The following CHRM2 variants were observed in gnomAD, a reference collection of about 807,000 sequenced individuals.
CHRM2 encodes cholinergic receptor muscarinic 2.
In CHRM2, 8 loss-of-function variants were observed where a neutral mutation model predicts 25.0. The ratio of observed to expected loss-of-function variants is 0.32; its 90% CI spans 0.19 to 0.58. CHRM2 has a LOEUF of 0.58. Ranked by LOEUF, CHRM2 falls within the 20% of genes least tolerant of loss-of-function variation. The pLI, the probability that CHRM2 is intolerant of heterozygous loss-of-function variation, is 0.88. For missense variants in CHRM2, 440 were observed against 567.1 expected (o/e 0.78, Z 2.28); for synonymous variants, 202 against 205.7 (o/e 0.98, Z 0.15).
chr7:136,906,453 TCCACACATTTGGTTTTTTTAAA>T (rs1229568967), intron 2 of CHRM2, among the ~76,000 whole-genome samples: 3 of 151,648 alleles, frequency 2.0e-5, no homozygotes, highest in Non-Finnish European at 4.4e-5. Context: ...TGGTTTTTAT[TCCACACATTTGGTTTTTTTAAA>T]CCACACATTT....
chr7:136,894,004 A>G (rs1796793306), intron 2 of CHRM2, among the ~76,000 whole-genome samples: 1 of 152,192 alleles, frequency 6.6e-6, no homozygotes, highest in South Asian at 2.1e-4. Flanking sequence ...TGGTCAAAAC[A>G]TTATGCATGT....
At chr7:136,922,360 C>A (rs1798496530) in intron 2 of CHRM2, among the ~76,000 whole-genome samples, 1 of 152,112 alleles carries the variant, frequency 6.6e-6, no homozygotes, top group Admixed American at 6.6e-5. Flanking sequence ...AGTAGGCTAC[C>A]TCTCTGGCCC....
intron 2 of CHRM2, among the ~76,000 whole-genome samples, chr7:136,954,853 A>C (rs773526183): frequency 3.3e-5 from 5 of 152,162 alleles, no homozygotes; most frequent in Non-Finnish European, 7.3e-5. Flanking sequence ...AGATATTCAT[A>C]ACCTCACTAC....
At chr7:136,915,344 T>C (rs1226887101) in intron 2 of CHRM2, among the ~76,000 whole-genome samples, 3 of 151,930 alleles carry the variant, frequency 2.0e-5, no homozygotes, top group African/African-American at 7.2e-5. Flanking sequence ...ATCAGATTGT[T>C]ACTGCATAAT....
At chr7:136,889,191 T>G (rs977989751) in intron 2 of CHRM2, among the ~76,000 whole-genome samples, 15 of 152,046 alleles carry the variant, frequency 9.9e-5, no homozygotes, top group African/African-American at 3.6e-4. Context: ...TATTGGTGGA[T>G]AGGTGATTTC....
At chr7:136,975,108 T>G (rs1802026868) in intron 2 of CHRM2, among the ~76,000 whole-genome samples, 1 of 152,194 alleles carries the variant, frequency 6.6e-6, no homozygotes, top group Non-Finnish European at 1.5e-5. Flanking sequence ...TAATAAGCAA[T>G]TTAAAGCTCA....
chr7:137,007,938 T>A (rs1804555469), intron 3 of CHRM2, among the ~76,000 whole-genome samples: 1 of 152,088 alleles, frequency 6.6e-6, no homozygotes, highest in Non-Finnish European at 1.5e-5. Context: ...GAAGGAGTGA[T>A]TATTGATAAC....
chr7:136,996,054 A>G (rs6948054), intron 3 of CHRM2, among the ~76,000 whole-genome samples: 93,717 of 151,650 alleles, frequency 0.62, 29,767 homozygotes, highest in Non-Finnish European at 0.68. Flanking sequence ...GTAGAACCAC[A>G]TTTCAAATTT....
chr7:136,951,978 C>T (rs1416840020), intron 2 of CHRM2, among the ~76,000 whole-genome samples: 2 of 152,074 alleles, frequency 1.3e-5, no homozygotes, highest in Non-Finnish European at 2.9e-5. Context: ...ATCTCTTATC[C>T]ACAAGCAGGT....
chr7:136,982,994 C>T (rs1802587422), intron 2 of CHRM2, among the ~76,000 whole-genome samples: 1 of 152,136 alleles, frequency 6.6e-6, no homozygotes, highest in Non-Finnish European at 1.5e-5. Flanking sequence ...GCCTGTCTTA[C>T]CAGTTTGGGG....
At chr7:137,008,046 T>C (rs567344248) in intron 3 of CHRM2, among the ~76,000 whole-genome samples, 2 of 152,244 alleles carry the variant, frequency 1.3e-5, no homozygotes, top group South Asian at 2.1e-4. Flanking sequence ...ATGGATTATA[T>C]ACCTGAATGG....
At chr7:136,916,071 A>G (rs761040663) in intron 2 of CHRM2, among the ~76,000 whole-genome samples, 137 of 151,972 alleles carry the variant, frequency 9.0e-4, no homozygotes, top group Non-Finnish European at 1.3e-3. Flanking sequence ...ATTCACAGGA[A>G]CCATTACTAT....
At chr7:136,920,860 C>G (rs1431055210) in intron 2 of CHRM2, among the ~76,000 whole-genome samples, 1 of 152,074 alleles carries the variant, frequency 6.6e-6, no homozygotes, top group East Asian at 1.9e-4. Context: ...CTTCACATTT[C>G]TTGTTACTAT....
At chr7:136,974,398 C>A (rs1288275814) in intron 2 of CHRM2, among the ~76,000 whole-genome samples, 2 of 152,034 alleles carry the variant, frequency 1.3e-5, no homozygotes, top group Non-Finnish European at 2.9e-5. Flanking sequence ...AAATCTGTTA[C>A]AATGGAAATA....
At chr7:136,887,737 G>C (rs1349195797) in intron 2 of CHRM2, among the ~76,000 whole-genome samples, 1 of 152,158 alleles carries the variant, frequency 6.6e-6, no homozygotes, top group Non-Finnish European at 1.5e-5. Context: ...CAGAAAAGGA[G>C]ATAAAGAAAT....
intron 2 of CHRM2, among the ~76,000 whole-genome samples, chr7:136,979,402 T>C (rs1225452567): frequency 6.6e-6 from 1 of 152,232 alleles, no homozygotes; most frequent in African/African-American, 2.4e-5. Context: ...GGTTGCCTGT[T>C]CACTCTGATG....
In CHRM2 at chr7:137,015,527, A is replaced by G. The variant is rs1162009568; in HGVS notation, c.662A>G (p.Lys221Arg). Reference protein sequence around the residue: ...RASKSRIKKDKKEPVANQDPV... With the variant: ...RASKSRIKKDRKEPVANQDPV... ...AGCAAGAGCAGGATAAAGAAGGACA[A>G]GAAGGAGCCTGTTGCCAACCAAGAC... Residue 221 changes from lysine (K) to arginine (R), a missense_variant, in exon 4 of 4, where the codon AAG becomes AGG. By Grantham distance (26) the Lys-to-Arg change is conservative. Coordinates refer to ENST00000680005, the MANE Select transcript of CHRM2 (RefSeq NM_001006630.2). The surrounding 1 kb of genome is among the most constrained non-coding windows in gnomAD (Gnocchi z 5.1). The G allele has an allele frequency of 6.2e-7, 1 of 1,613,096 alleles. No individual in the cohort carries two copies. Among genetic ancestry groups the G allele is most frequent in the South Asian group, 1.1e-5 (1 of 91,078 alleles).
chr7:136,887,233 T>TATG (rs1796503361), intron 2 of CHRM2, among the ~76,000 whole-genome samples: 1 of 152,210 alleles, frequency 6.6e-6, no homozygotes. Context: ...TCATGTTGTA[T>TATG]ATCTTAAATA....
chr7:136,971,619 A>AC (rs1491383931), intron 2 of CHRM2, among the ~76,000 whole-genome samples: 2 of 49,578 alleles, frequency 4.0e-5, no homozygotes, highest in African/African-American at 9.6e-5. Context: ...TCTGTTTCAC[A>AC]AAAAAAAAAA....
Sources: allele counts gnomAD v4.1 joint callset (sites outside exome capture counted in the v4.1 genomes callset), GRCh38; gene constraint gnomAD v4.1.1; non-coding constraint Gnocchi (gnomAD v3.1); transcripts MANE v1.5; gene names NCBI Gene and HGNC (gene_info 2026-07-23, HGNC 2026-07-21).